The following ASIC2 variants were observed in gnomAD, a reference collection of about 807,000 sequenced individuals.
ASIC2 encodes the protein acid-sensing ion channel 2.
Under a neutral mutation model 57.3 loss-of-function variants are expected in ASIC2, and 25 were observed. That is an observed-to-expected ratio of 0.44 (90% CI 0.32 to 0.61). The LOEUF is 0.61. Ranked by LOEUF, ASIC2 falls within the 20% of genes least tolerant of loss-of-function variation. ASIC2 has a pLI of 0.06. For synonymous variants in ASIC2, 319 were observed against 307.5 expected (o/e 1.04, Z -0.39); for missense variants, 641 against 738.1 (o/e 0.87, Z 1.52).
intron 1 of ASIC2, among the ~76,000 whole-genome samples, chr17:33,462,508 T>A (rs1912673655): frequency 6.6e-6 from 1 of 152,208 alleles, no homozygotes; most frequent in Non-Finnish European, 1.5e-5. Flanking sequence ...GGCCCCAGGA[T>A]GACTCTGTGG....
At chr17:33,423,287 G>A (rs1471758885) in intron 1 of ASIC2, among the ~76,000 whole-genome samples, 2 of 152,248 alleles carry the variant, frequency 1.3e-5, no homozygotes, top group Non-Finnish European at 2.9e-5. Context: ...GAGAACTACC[G>A]GTATGGTGAA....
intron 1 of ASIC2, among the ~76,000 whole-genome samples, chr17:33,932,340 T>A (rs1050203141): frequency 6.6e-6 from 1 of 152,194 alleles, no homozygotes; most frequent in African/African-American, 2.4e-5. Flanking sequence ...AGGTGAAATA[T>A]GTCATGAATA....
At chr17:33,715,775 G>C (rs1332855878) in intron 1 of ASIC2, among the ~76,000 whole-genome samples, 1 of 152,128 alleles carries the variant, frequency 6.6e-6, no homozygotes, top group Non-Finnish European at 1.5e-5. Flanking sequence ...TCTCCCTGTA[G>C]TCAAAATGGC....
chr17:33,059,325 C>T (rs2092011483), intron 3 of ASIC2, among the ~76,000 whole-genome samples: 1 of 152,118 alleles, frequency 6.6e-6, no homozygotes, highest in Non-Finnish European at 1.5e-5. Context: ...AACCCCACAA[C>T]AGGCCCCAGT....
intron 1 of ASIC2, among the ~76,000 whole-genome samples, chr17:33,203,924 T>G (rs1906969137): frequency 6.6e-6 from 1 of 152,182 alleles, no homozygotes; most frequent in Admixed American, 6.5e-5. Context: ...CGTCCTTAGG[T>G]AAGTCATGTT....
At chr17:33,620,125 C>G (rs1353412863) in intron 1 of ASIC2, among the ~76,000 whole-genome samples, 1 of 150,370 alleles carries the variant, frequency 6.7e-6, no homozygotes, top group African/African-American at 2.4e-5. Context: ...AATTTTGAAC[C>G]TGTTTGTTAA....
At position 34,156,581 on chromosome 17, in the gene ASIC2, G is replaced by C. The variant is rs370717547; in HGVS notation, c.-49C>G. 1.4e-5 allele frequency: 22 copies of C among 1,523,300 alleles called. No individual in the cohort carries two copies. The highest frequency in any genetic ancestry group is 1.9e-5 in the Non-Finnish European group (21 of 1,131,280). 94.4% of individuals were successfully genotyped at this position (1,523,300 alleles called of 1,614,324 possible). On this transcript the variant is annotated 5_prime_UTR_variant, in exon 1 of 10. Transcript: ENST00000359872. The surrounding 1 kb of genome is among the most constrained non-coding windows in gnomAD (Gnocchi z 4.4). ...CTGGCTTCAGGTTGATCGAATTTCA[G>C]AGAAGAGCTCCCAGTCCTCGGGCTC...
intron 1 of ASIC2, among the ~76,000 whole-genome samples, chr17:33,894,344 TGC>T (rs61123166): frequency 0.24 from 25,207 of 102,940 alleles, 2,658 homozygotes; most frequent in East Asian, 0.51. Flanking sequence ...CGTGCGTGCG[TGC>T]GTGCGTGTGT....
intron 1 of ASIC2, among the ~76,000 whole-genome samples, chr17:34,085,925 CTCG>C (rs1482046944): frequency 2.6e-5 from 4 of 151,662 alleles, no homozygotes; most frequent in Non-Finnish European, 4.4e-5. Flanking sequence ...TGATTCTTCT[CTCG>C]TTTTTTCTTT....
intron 3 of ASIC2, among the ~76,000 whole-genome samples, chr17:33,031,157 G>GAA (rs2091881593): frequency 1.3e-5 from 2 of 152,108 alleles, no homozygotes; most frequent in African/African-American, 4.8e-5. Context: ...GTATGCGTGT[G>GAA]AAGATTTTTA....
intron 1 of ASIC2, among the ~76,000 whole-genome samples, chr17:33,573,355 C>T (rs1290436857): frequency 6.6e-6 from 1 of 152,040 alleles, no homozygotes; most frequent in East Asian, 1.9e-4. Flanking sequence ...ATACCCACGG[C>T]CCATCTCAGG....
Position 33,452,738 on chromosome 17 carries a change from GGTGTGTGTGTGT to G in ASIC2, c.556-340683_556-340672del, listed in dbSNP as rs35126239. On this transcript the variant is annotated intron_variant, in intron 1 of 9. Coordinates refer to the ASIC2 transcript ENST00000359872. Reference sequence around the variant, plus strand: ...GTTTTCTTTGTTTGGAACAGAGTGGGGTGTGTGTGTGTGTGTGTGTGTGTGTGTGTGTGTGTG... The same window carrying G: ...GTTTTCTTTGTTTGGAACAGAGTGGGGTGTGTGTGTGTGTGTGTGTGTGTG... 5.7e-5 allele frequency among the ~76,000 whole-genome samples: 8 copies of G among 140,508 alleles called. No homozygotes were observed. In the South Asian group the frequency reaches 1.2e-3, roughly 21 times the overall value. 92.2% of individuals were successfully genotyped at this position (140,508 alleles called of 152,430 possible).
chr17:33,951,652 G>A (rs1038792420), intron 1 of ASIC2, among the ~76,000 whole-genome samples: 3 of 150,702 alleles, frequency 2.0e-5, no homozygotes, highest in Non-Finnish European at 4.4e-5. Flanking sequence ...GCGCCATCTC[G>A]GCTCACTGCA....
chr17:33,232,986 C>T (rs976022120), intron 1 of ASIC2, among the ~76,000 whole-genome samples: 1 of 152,004 alleles, frequency 6.6e-6, no homozygotes, highest in Non-Finnish European at 1.5e-5. Context: ...GGGAGTGAGG[C>T]CTGTCTTTCA....
At chr17:33,058,487 A>C (rs866384969) in intron 3 of ASIC2, among the ~76,000 whole-genome samples, 213 of 151,598 alleles carry the variant, frequency 1.4e-3, no homozygotes, top group Non-Finnish European at 2.0e-3. Flanking sequence ...AAAAAAAAAA[A>C]AAAACAAAAC....
At chr17:34,060,772 C>A (rs180710129) in intron 1 of ASIC2, among the ~76,000 whole-genome samples, 6 of 152,078 alleles carry the variant, frequency 3.9e-5, no homozygotes, top group Admixed American at 3.9e-4. Context: ...ACAAGGTCTT[C>A]AAATTAACCC....
At chr17:33,088,835 A>G (rs1419183416) in intron 3 of ASIC2, 28 bp downstream of exon 3, 3 of 1,593,550 alleles carry the variant, frequency 1.9e-6, no homozygotes, top group Non-Finnish European at 1.7e-6. Flanking sequence ...GCTGAGGACC[A>G]TCAATCCTGG....
chr17:33,026,939 G>C (rs2091861725), intron 4 of ASIC2, among the ~76,000 whole-genome samples: 1 of 152,092 alleles, frequency 6.6e-6, no homozygotes, highest in South Asian at 2.1e-4. Context: ...TTTCTAGGAA[G>C]CTCAGAGGCC....
chr17:33,248,042 T>C (rs570587098), intron 1 of ASIC2, among the ~76,000 whole-genome samples: 13 of 151,928 alleles, frequency 8.6e-5, no homozygotes, highest in African/African-American at 2.7e-4. Flanking sequence ...GGTAGATGAG[T>C]AGAATGGGGA....
Sources: allele counts gnomAD v4.1 joint callset (sites outside exome capture counted in the v4.1 genomes callset), GRCh38; gene constraint gnomAD v4.1.1; non-coding constraint Gnocchi (gnomAD v3.1); transcripts MANE v1.5; gene names NCBI Gene and HGNC (gene_info 2026-07-23, HGNC 2026-07-21).